The following FAM228B variants were observed in gnomAD, a reference collection of about 807,000 sequenced individuals.
The protein encoded by FAM228B is protein FAM228B.
FAM228B carries 38 observed loss-of-function variants against 42.6 expected under a neutral mutation model. The ratio of observed to expected loss-of-function variants is 0.89; its 90% CI spans 0.69 to 1.17. The LOEUF (loss-of-function observed/expected upper bound fraction) is 1.17. Ranked by LOEUF, FAM228B falls within the 50% of genes most tolerant of loss-of-function variation. The pLI is 0.00. For missense variants in FAM228B, 344 were observed against 367.3 expected (o/e 0.94, Z 0.52); for synonymous variants, 109 against 122.3 (o/e 0.89, Z 0.72).
At chr2:24,132,570 A>G (rs1666481992) in intron 2 of FAM228B, among the ~76,000 whole-genome samples, 1 of 132,692 alleles carries the variant, frequency 7.5e-6, no homozygotes, top group Admixed American at 9.1e-5. Context: ...TTCCTCGTTT[A>G]GTCTTGGGAG....
At position 24,084,445 on chromosome 2, in the gene FAM228B, C is replaced by G. The variant is rs1462716089; in HGVS notation, c.-210+3490C>G. On this transcript the variant is annotated intron_variant, in intron 2 of 10. Transcript: ENST00000613899. This position sits in a 1 kb window ranked among gnomAD's most constrained non-coding sequence, Gnocchi z 8.4. ...GGCCGCTGTATCCTCGCGGAGCAGC[C>G]CAGCCTCAGGCTGGCACCGCAGCGC... 1 of 1,303,748 alleles carries G rather than the reference C, an allele frequency of 7.7e-7. No individual in the cohort carries two copies. Among genetic ancestry groups the G allele is most frequent in the Admixed American group, 3.1e-5 (1 of 32,748 alleles). The allele number at this position is 1,303,748 out of a possible 1,614,324, so 80.8% of individuals were successfully genotyped here.
chr2:24,139,358 T>G lies in FAM228B; in HGVS notation c.361-12T>G. The stretch of plus-strand genomic sequence containing the variant: ...TCTTGTTCTTGTGTATCGTTTTATT[T>G]CCTTGCTATAGGGAAATGCATTTAT... On this transcript the variant is annotated splice_polypyrimidine_tract_variant and intron_variant, in intron 4 of 10. Coordinates refer to ENST00000615575, the MANE Select transcript of FAM228B (RefSeq NM_001145710.2). The G allele has an allele frequency of 2.0e-6, 3 of 1,497,300 alleles. No individual in the cohort carries two copies. The highest frequency in any genetic ancestry group is 2.7e-6 in the Non-Finnish European group (3 of 1,102,326). 92.8% of individuals were successfully genotyped at this position (1,497,300 alleles called of 1,614,324 possible).
At chr2:24,116,222 G>A (rs1028968190) in intron 3 of FAM228B, among the ~76,000 whole-genome samples, 3 of 152,092 alleles carry the variant, frequency 2.0e-5, no homozygotes, top group Non-Finnish European at 4.4e-5. Context: ...CAGCTACTTG[G>A]GAGGCTGAGG....
intron 5 of FAM228B, among the ~76,000 whole-genome samples, chr2:24,144,491 C>T (rs182135922): frequency 4.6e-5 from 7 of 152,158 alleles, no homozygotes; most frequent in African/African-American, 1.7e-4. Flanking sequence ...ACCAAAATAG[C>T]GAGTAGAAAA....
At chr2:24,118,900 A>T (rs905943908), upstream of FAM228B, among the ~76,000 whole-genome samples, 1 of 152,170 alleles carries the variant, frequency 6.6e-6, no homozygotes, top group African/African-American at 2.4e-5. Context: ...GTGTTTATGC[A>T]ACTCCAGTAA....
chr2:24,097,603 C>A (rs1234084346), intron 3 of FAM228B: 1 of 152,110 alleles, frequency 6.6e-6, no homozygotes, highest in Non-Finnish European at 1.5e-5. Context: ...TATATATGCA[C>A]CCAATACAGG....
chr2:24,169,619 A>C lies in FAM228B; in HGVS notation c.*278A>C. ...GAAATATTGCTGAACGAACCAATAA[A>C]AATAATTACAGCTCCCTCACTAAGT... On this transcript the variant is annotated 3_prime_UTR_variant, in exon 11 of 11. Coordinates refer to ENST00000615575, the MANE Select transcript of FAM228B (RefSeq NM_001145710.2). The surrounding 1 kb of genome is among the most constrained non-coding windows in gnomAD (Gnocchi z 4.2). The C allele has an allele frequency of 3.8e-6, 1 of 263,098 alleles. No homozygotes were observed. Among genetic ancestry groups the C allele is most frequent in the South Asian group, 3.9e-5 (1 of 25,730 alleles). The allele number at this position is 263,098 out of a possible 1,614,324, so 16.3% of individuals were successfully genotyped here.
At chr2:24,149,171 T>C (rs1267333593) in intron 7 of FAM228B, among the ~76,000 whole-genome samples, 1 of 152,256 alleles carries the variant, frequency 6.6e-6, no homozygotes, top group South Asian at 2.1e-4. Flanking sequence ...ATGTGAACAA[T>C]GCTGCAGCAA....
chr2:24,130,690 G>C (rs1013269038), intron 2 of FAM228B, among the ~76,000 whole-genome samples: 1 of 151,858 alleles, frequency 6.6e-6, no homozygotes, highest in Non-Finnish European at 1.5e-5. Context: ...TGTAGGTTCT[G>C]GATATTAGAG....
Position 24,138,000 on chromosome 2 carries a change from C to G in FAM228B, c.260C>G (p.Pro87Arg). 1 of 1,547,790 alleles carries G rather than the reference C, an allele frequency of 6.5e-7. No individual in the cohort carries two copies. The highest frequency in any genetic ancestry group is 1.7e-4 in the Middle Eastern group (1 of 5,962). ...YKRWVDCVADPLQKKIIEKVC... is the reference protein window; with the variant it reads ...YKRWVDCVADRLQKKIIEKVC... ...AGATGGGTTGACTGTGTGGCAGATC[C>G]TCTTCAGAAGAAAATTATAGAAAAA... Residue 87 changes from proline (P) to arginine (R), a missense_variant, in exon 4 of 11, where the codon CCT becomes CGT. Transcript: ENST00000615575.
intron 2 of FAM228B, among the ~76,000 whole-genome samples, chr2:24,129,474 G>A (rs539493521): frequency 5.3e-4 from 80 of 151,610 alleles, no homozygotes; most frequent in African/African-American, 1.8e-3. Flanking sequence ...TTGCTGAATC[G>A]TTTGATATTG....
intron 2 of FAM228B, chr2:24,085,247 C>G (rs1309860862): frequency 6.6e-6 from 1 of 152,178 alleles, no homozygotes. Context: ...AGGCAAAACG[C>G]AGTCCTGGGA....
At chr2:24,135,228 A>C in intron 3 of FAM228B, 41 bp downstream of exon 3, 1 of 1,177,438 alleles carries the variant, frequency 8.5e-7, no homozygotes, top group Non-Finnish European at 1.2e-6. Context: ...TAAAAATTAA[A>C]TGTAGTTTTT....
intron 2 of FAM228B, among the ~76,000 whole-genome samples, chr2:24,125,387 A>G (rs1666283590): frequency 6.6e-6 from 1 of 152,200 alleles, no homozygotes; most frequent in African/African-American, 2.4e-5. Flanking sequence ...TGTCTCAAAT[A>G]AAGTGTACAA....
At chr2:24,097,658 A>G (rs1354376964) in intron 3 of FAM228B, among the ~76,000 whole-genome samples, 1 of 152,142 alleles carries the variant, frequency 6.6e-6, no homozygotes, top group Admixed American at 6.6e-5. Flanking sequence ...CTACAAAGAA[A>G]CTTAGACTTG....
intron 7 of FAM228B, among the ~76,000 whole-genome samples, chr2:24,151,428 C>CTA (rs1667019122): frequency 6.6e-6 from 1 of 150,994 alleles, no homozygotes; most frequent in Admixed American, 6.6e-5. Context: ...GTAGCTGGGA[C>CTA]TACAGGCACC....
chr2:24,114,742 GT>G (rs1176074514), intron 3 of FAM228B, among the ~76,000 whole-genome samples: 1 of 152,176 alleles, frequency 6.6e-6, no homozygotes, highest in Admixed American at 6.5e-5. Flanking sequence ...GCAATAGTCA[GT>G]GTAGAATCTT....
At chr2:24,122,196 G>T (rs1258831352), upstream of FAM228B, among the ~76,000 whole-genome samples, 1 of 152,020 alleles carries the variant, frequency 6.6e-6, no homozygotes, top group African/African-American at 2.4e-5. Context: ...GCCGGGCCTG[G>T]TAGCGCACTC....
At chr2:24,100,362 C>T (rs1371359045) in intron 3 of FAM228B, among the ~76,000 whole-genome samples, 1 of 152,202 alleles carries the variant, frequency 6.6e-6, no homozygotes, top group East Asian at 1.9e-4. Context: ...TTTTTGCAAT[C>T]TGCCCATCTG....
Sources: gnomAD v4.1 joint callset for allele counts (sites outside exome capture counted in the v4.1 genomes callset) on GRCh38, gnomAD v4.1.1 for gene constraint, Gnocchi (gnomAD v3.1) non-coding constraint, MANE v1.5 for transcripts, NCBI Gene and HGNC (gene_info 2026-07-23, HGNC 2026-07-21) for gene names.